Variants in MYO16 observed in about 807,000 individuals in gnomAD.
MYO16 encodes myosin XVI.
A neutral mutation model predicts 205.3 loss-of-function variants in MYO16; 94 were observed. The observed-to-expected ratio is 0.46, with a 90% CI of 0.39 to 0.54. The LOEUF (loss-of-function observed/expected upper bound fraction) is 0.54, where lower values mean the gene tolerates loss of function less well. Among genes scored for constraint, MYO16 ranks in the 20% least tolerant of loss-of-function variants. The pLI is 0.00. For synonymous variants in MYO16, 988 were observed against 954.0 expected (o/e 1.04, Z -0.66); for missense variants, 2,315 against 2,387.5 (o/e 0.97, Z 0.63).
chr13:108,898,351 A>AGTGTGTGTGTGT (rs3042037), intron 15 of MYO16, among the ~76,000 whole-genome samples: 4,715 of 145,018 alleles, frequency 0.033, 89 homozygotes, highest in Non-Finnish European at 0.037. Context: ...AGGGTGTGTG[A>AGTGTGTGTGTGT]GTGTGTGTGT....
At chr13:108,920,378 TTCTC>T (rs905748683) in intron 16 of MYO16, among the ~76,000 whole-genome samples, 3 of 151,370 alleles carry the variant, frequency 2.0e-5, no homozygotes, top group African/African-American at 7.3e-5. Context: ...CTTTCTTTCC[TTCTC>T]TCTCTCTCCT....
At chr13:108,914,529 C>T (rs866363793) in intron 16 of MYO16, among the ~76,000 whole-genome samples, 44 of 152,298 alleles carry the variant, frequency 2.9e-4, no homozygotes, top group Middle Eastern at 6.8e-3. Flanking sequence ...TTCATAGCAA[C>T]TCACTAGATA....
intron 5 of MYO16, among the ~76,000 whole-genome samples, 162 bp from the exon 6 acceptor site, chr13:108,793,354 G>T (rs1886680822): frequency 6.6e-6 from 1 of 151,610 alleles, no homozygotes; most frequent in Non-Finnish European, 1.5e-5. Context: ...GTTGGAAATA[G>T]AATATGTACA....
At chr13:108,895,506 A>G (rs528713263) in intron 14 of MYO16, among the ~76,000 whole-genome samples, 9 of 152,360 alleles carry the variant, frequency 5.9e-5, no homozygotes, top group African/African-American at 2.2e-4. Context: ...CAGTGAAAGA[A>G]TGCCATGGGG....
At position 109,127,566 on chromosome 13, in the gene MYO16, G is replaced by A; in HGVS notation, c.4051+16G>A. 2 of 1,604,752 alleles carry A rather than the reference G, an allele frequency of 1.2e-6. No homozygotes were observed. The highest frequency in any genetic ancestry group is 1.7e-6 in the Non-Finnish European group (2 of 1,178,842). On this transcript the variant is annotated intron_variant, in intron 31 of 34. Coordinates refer to ENST00000457511, the MANE Select transcript of MYO16 (RefSeq NM_001198950.3). This position sits in a 1 kb window ranked among gnomAD's most constrained non-coding sequence, Gnocchi z 4.2. ...GCCAACGAAGGTCAGCCCTGGGGAGGGACCCAGCCTCGTGTTCCGGGCTCG... is the reference window on the plus strand; with the variant it reads ...GCCAACGAAGGTCAGCCCTGGGGAGAGACCCAGCCTCGTGTTCCGGGCTCG...
At chr13:109,009,834 CT>C (rs1271128388) in intron 22 of MYO16, among the ~76,000 whole-genome samples, 1 of 152,156 alleles carries the variant, frequency 6.6e-6, no homozygotes, top group East Asian at 1.9e-4. Context: ...CAGCATTCTT[CT>C]TTTTCTAAAA....
chr13:108,974,270 C>A (rs1293108335), intron 20 of MYO16, among the ~76,000 whole-genome samples: 1 of 152,080 alleles, frequency 6.6e-6, no homozygotes, highest in Non-Finnish European at 1.5e-5. Flanking sequence ...TCTATGATTT[C>A]ATATGTCTCT....
rs45520342 is a variant in MYO16 at position 109,052,336 on chromosome 13, C to T, written c.2909C>T (p.Ser970Leu). 69 of 1,613,250 alleles carry T rather than the reference C, an allele frequency of 4.3e-5. 1 individual carries two copies. In the South Asian group the frequency reaches 5.9e-4, roughly 14 times the overall value. Residue 970 changes from serine (S) to leucine (L), a missense_variant, in exon 25 of 35, where the codon TCG becomes TTG. Coordinates refer to ENST00000457511, the MANE Select transcript of MYO16 (RefSeq NM_001198950.3). ...GTCGTGATCAATCATTTGTTCCAGTCGAAATTGTCACAAACAGGATCCCTC... is the reference window on the plus strand; with the variant it reads ...GTCGTGATCAATCATTTGTTCCAGTTGAAATTGTCACAAACAGGATCCCTC... ...ENVVINHLFQ[S>L]KLSQTGSLVS...
At chr13:108,544,961 C>T in the MYO16 span, among the ~76,000 whole-genome samples, 1 of 151,828 alleles carries the variant, frequency 6.6e-6, no homozygotes, top group African/African-American at 2.4e-5. Flanking sequence ...CTGAATAGTA[C>T]TCCATTGTGT....
intron 27 of MYO16, among the ~76,000 whole-genome samples, chr13:109,091,498 G>A (rs79904774): frequency 0.028 from 4,245 of 152,184 alleles, 88 homozygotes; most frequent in South Asian, 0.065. Flanking sequence ...TGATGCCATC[G>A]TAATCTAGTG....
chr13:108,655,754 AC>A (rs1881215993), intron 1 of MYO16, among the ~76,000 whole-genome samples: 1 of 152,140 alleles, frequency 6.6e-6, no homozygotes, highest in Non-Finnish European at 1.5e-5. Flanking sequence ...CATCAATGTG[AC>A]CTGGATGTGA....
intron 33 of MYO16, among the ~76,000 whole-genome samples, chr13:109,176,567 A>G (rs1290713183): frequency 1.5e-5 from 2 of 136,806 alleles, no homozygotes; most frequent in Admixed American, 1.5e-4. Context: ...TAAATAAAAT[A>G]TTGTGCTGGT....
At chr13:108,844,957 G>A (rs1877443094) in intron 10 of MYO16, among the ~76,000 whole-genome samples, 1 of 152,074 alleles carries the variant, frequency 6.6e-6, no homozygotes, top group Admixed American at 6.6e-5. Flanking sequence ...GTGTGTGTGT[G>A]CATATGTGTA....
the MYO16 span, among the ~76,000 whole-genome samples, chr13:108,557,807 A>C: frequency 6.6e-6 from 1 of 152,196 alleles, no homozygotes; most frequent in African/African-American, 2.4e-5. Flanking sequence ...TTTTAAAGGC[A>C]AAAAGGGGTT....
At chr13:108,618,992 T>C (rs1280591486) in intron 1 of MYO16, among the ~76,000 whole-genome samples, 2 of 152,162 alleles carry the variant, frequency 1.3e-5, no homozygotes. Flanking sequence ...CCTTTTCCTA[T>C]CAATAGCCCA....
At chr13:108,843,784 T>G (rs1003339202) in intron 9 of MYO16, among the ~76,000 whole-genome samples, 2 of 152,130 alleles carry the variant, frequency 1.3e-5, no homozygotes, top group African/African-American at 4.8e-5. Flanking sequence ...TATCTTTTAT[T>G]TTTTGGCTTT....
intron 9 of MYO16, among the ~76,000 whole-genome samples, chr13:108,827,535 C>A (rs1187380275): frequency 1.3e-5 from 2 of 152,154 alleles, no homozygotes; most frequent in South Asian, 2.1e-4. Context: ...TGTCTCCTAT[C>A]CAATCAGCAT....
intron 27 of MYO16, among the ~76,000 whole-genome samples, chr13:109,075,215 G>A (rs1387867042): frequency 1.3e-5 from 2 of 152,172 alleles, no homozygotes; most frequent in African/African-American, 4.8e-5. Context: ...AATTATAGGA[G>A]TAGAATGGCT....
intron 4 of MYO16, among the ~76,000 whole-genome samples, chr13:108,733,320 A>G (rs572411966): frequency 6.6e-6 from 1 of 152,334 alleles, no homozygotes; most frequent in Admixed American, 6.5e-5. Flanking sequence ...CACATGCTTT[A>G]CAATTAGTAA....
Sources: gnomAD v4.1 joint callset for allele counts (sites outside exome capture counted in the v4.1 genomes callset) on GRCh38, gnomAD v4.1.1 for gene constraint, Gnocchi (gnomAD v3.1) non-coding constraint, MANE v1.5 for transcripts, NCBI Gene and HGNC (gene_info 2026-07-23, HGNC 2026-07-21) for gene names.